TAFA1: variants seen among roughly 807,000 people sequenced by gnomAD.
TAFA1 encodes TAFA chemokine like family member 1.
A neutral mutation model predicts 18.5 loss-of-function variants in TAFA1; 4 were observed. The observed-to-expected ratio is 0.22, with a 90% CI of 0.11 to 0.49. The LOEUF is 0.49. Among genes scored for constraint, TAFA1 ranks in the 20% least tolerant of loss-of-function variants. The pLI, the probability that TAFA1 is intolerant of heterozygous loss-of-function variation, is 0.98. For synonymous variants in TAFA1, 56 were observed against 55.2 expected, an observed-to-expected ratio of 1.01 and a Z score of -0.06; for missense variants, 147 against 169.0, an observed-to-expected ratio of 0.87 and a Z score of 0.72.
chr3:68,088,720 A>T (rs1029710188), intron 2 of TAFA1, among the ~76,000 whole-genome samples: 1 of 152,216 alleles, frequency 6.6e-6, no homozygotes, highest in Non-Finnish European at 1.5e-5. Context: ...GCTCTGAGCC[A>T]AGGAGTGATT....
intron 2 of TAFA1, among the ~76,000 whole-genome samples, chr3:68,056,442 T>C (rs935753293): frequency 1.3e-5 from 2 of 152,196 alleles, no homozygotes; most frequent in Middle Eastern, 3.2e-3. Context: ...CCAAACCAGA[T>C]GGGTGGTCAC....
chr3:68,260,929 T>C (rs2067406732), intron 2 of TAFA1, among the ~76,000 whole-genome samples: 1 of 152,054 alleles, frequency 6.6e-6, no homozygotes, highest in South Asian at 2.1e-4. Context: ...TGGGATCTAA[T>C]TAAACTAAAG....
rs138477001 is a variant in TAFA1, at chr3:68,186,978, G to GA, written c.118+180244dup. On this transcript the variant is annotated intron_variant, in intron 2 of 4. Transcript: ENST00000478136. ...TCTTGAGAATGTGTGAAGTTTGTGG[G>GA]AAAAAAAAAAGCCAGTTTGCTTTTC... Among the ~76,000 whole-genome samples the GA allele has an allele frequency of 6.0e-3, 882 of 146,558 alleles. 28 individuals carry two copies. The East Asian group carries it at 0.092, about 15-fold the overall frequency.
intron 3 of TAFA1, among the ~76,000 whole-genome samples, chr3:68,423,839 G>A (rs1350907876): frequency 6.6e-6 from 1 of 151,904 alleles, no homozygotes; most frequent in African/African-American, 2.4e-5. Context: ...ATCCCTTGTG[G>A]ATTTTAGCAT....
At chr3:68,140,392 A>T (rs751392429) in intron 2 of TAFA1, among the ~76,000 whole-genome samples, 5 of 152,238 alleles carry the variant, frequency 3.3e-5, no homozygotes, top group Non-Finnish European at 5.9e-5. Flanking sequence ...TCTTCTGGAA[A>T]GATTAAGCTA....
At chr3:68,219,545 C>T (rs2066704634) in intron 2 of TAFA1, among the ~76,000 whole-genome samples, 1 of 152,046 alleles carries the variant, frequency 6.6e-6, no homozygotes, top group South Asian at 2.1e-4. Flanking sequence ...GGCTGTTGGC[C>T]AGGGATCACT....
intron 2 of TAFA1, among the ~76,000 whole-genome samples, chr3:68,316,917 A>G (rs2068614550): frequency 6.6e-6 from 1 of 152,226 alleles, no homozygotes; most frequent in South Asian, 2.1e-4. Context: ...AATGACAAAA[A>G]TAGCCCAATG....
intron 2 of TAFA1, among the ~76,000 whole-genome samples, chr3:68,385,358 G>T (rs890306224): frequency 6.6e-6 from 1 of 152,030 alleles, no homozygotes; most frequent in African/African-American, 2.4e-5. Context: ...TAAAGTACTT[G>T]CTAAACCAGG....
chr3:68,264,421 T>C (rs2067500108), intron 2 of TAFA1, among the ~76,000 whole-genome samples: 1 of 152,184 alleles, frequency 6.6e-6, no homozygotes, highest in Admixed American at 6.5e-5. Flanking sequence ...CATTTATGTG[T>C]CTGCAAAACT....
At chr3:68,149,758 A>G (rs1221788250) in intron 2 of TAFA1, among the ~76,000 whole-genome samples, 1 of 152,208 alleles carries the variant, frequency 6.6e-6, no homozygotes, top group Admixed American at 6.5e-5. Flanking sequence ...AAACTTCAAA[A>G]CTTTAGCAGA....
chr3:68,281,345 G>A (rs1559597668), intron 2 of TAFA1, among the ~76,000 whole-genome samples: 1 of 151,616 alleles, frequency 6.6e-6, no homozygotes, highest in Non-Finnish European at 1.5e-5. Context: ...TTTATACCAT[G>A]TTAATATTTT....
At chr3:68,519,633 T>C (rs1171063051) in intron 3 of TAFA1, among the ~76,000 whole-genome samples, 1 of 152,194 alleles carries the variant, frequency 6.6e-6, no homozygotes, top group Non-Finnish European at 1.5e-5. Context: ...TTCTGGAGTC[T>C]AGAAGTCTGA....
intron 3 of TAFA1, among the ~76,000 whole-genome samples, chr3:68,453,650 T>G (rs2071605364): frequency 6.6e-6 from 1 of 152,230 alleles, no homozygotes; most frequent in African/African-American, 2.4e-5. Flanking sequence ...ACAGATTCTG[T>G]GTAAGCATCT....
chr3:68,307,831 G>A (rs934013211), intron 2 of TAFA1, among the ~76,000 whole-genome samples: 6 of 152,112 alleles, frequency 3.9e-5, no homozygotes, highest in African/African-American at 7.2e-5. Flanking sequence ...GTGAGCTGAG[G>A]TCAGGATTAG....
intron 2 of TAFA1, among the ~76,000 whole-genome samples, chr3:68,026,393 A>G (rs931902604): frequency 5.9e-5 from 9 of 151,936 alleles, no homozygotes; most frequent in Admixed American, 4.6e-4. Flanking sequence ...AGAAATCCAA[A>G]TGGCAAGTTA....
intron 3 of TAFA1, among the ~76,000 whole-genome samples, chr3:68,455,366 C>G (rs1265564064): frequency 3.3e-5 from 5 of 151,932 alleles, no homozygotes; most frequent in Non-Finnish European, 7.4e-5. Flanking sequence ...TTTGCTTTTT[C>G]ATTTCTCTAA....
At chr3:68,006,512 A>G (rs1428886631) in intron 1 of TAFA1, 112 bp from the exon 2 acceptor site, 4 of 734,196 alleles carry the variant, frequency 5.4e-6, no homozygotes, top group Admixed American at 3.8e-5. Context: ...TTCTAGCCAG[A>G]GAAGTAGCAA....
At chr3:68,430,815 C>T (rs2071155398) in intron 3 of TAFA1, among the ~76,000 whole-genome samples, 1 of 151,974 alleles carries the variant, frequency 6.6e-6, no homozygotes, top group African/African-American at 2.4e-5. Flanking sequence ...CAACTGCACA[C>T]ACACAGCAAA....
chr3:68,526,597 C>T (rs1050328181), intron 3 of TAFA1, among the ~76,000 whole-genome samples: 12 of 152,072 alleles, frequency 7.9e-5, no homozygotes, highest in African/African-American at 1.4e-4. Flanking sequence ...ACTTAACTGA[C>T]ATTATTTGAT....
Sources: allele counts gnomAD v4.1 joint callset (sites outside exome capture counted in the v4.1 genomes callset), GRCh38; gene constraint gnomAD v4.1.1; transcripts MANE v1.5; gene names NCBI Gene and HGNC (gene_info 2026-07-23, HGNC 2026-07-21).